TBC1D5: variants seen among roughly 807,000 people sequenced by gnomAD.
TBC1D5 encodes the protein TBC1 domain family member 5, also known as TBC1 domain family, member 5.
A neutral mutation model predicts 100.3 loss-of-function variants in TBC1D5; 75 were observed. That is an observed-to-expected ratio of 0.75 (90% CI 0.62 to 0.91). The LOEUF is 0.91. Ranked by LOEUF, TBC1D5 falls within the 40% of genes least tolerant of loss-of-function variation. TBC1D5 has a pLI of 0.00. For synonymous variants in TBC1D5, 323 were observed against 325.6 expected (o/e 0.99, Z 0.09); for missense variants, 910 against 942.4 (o/e 0.97, Z 0.45).
intron 4 of TBC1D5, among the ~76,000 whole-genome samples, chr3:17,421,190 G>C (rs571606966): frequency 6.6e-6 from 1 of 152,042 alleles, no homozygotes; most frequent in Non-Finnish European, 1.5e-5. Flanking sequence ...ACGTTACTTC[G>C]AGAAGATGTA....
At chr3:17,184,707 A>T (rs1226265409) in intron 19 of TBC1D5, 1 of 152,308 alleles carries the variant, frequency 6.6e-6, no homozygotes, top group Non-Finnish European at 1.5e-5. Context: ...AAAAAAAAAA[A>T]AATTTGTTGT....
intron 16 of TBC1D5, among the ~76,000 whole-genome samples, chr3:17,249,197 G>A (rs1483053897): frequency 6.6e-6 from 1 of 152,174 alleles, no homozygotes; most frequent in African/African-American, 2.4e-5. Flanking sequence ...GTGTCCACTG[G>A]AGTAGCACTT....
intron 1 of TBC1D5, among the ~76,000 whole-genome samples, chr3:17,720,407 T>G (rs1334590449): frequency 6.6e-6 from 1 of 152,178 alleles, no homozygotes; most frequent in African/African-American, 2.4e-5. Flanking sequence ...GCTAATACAT[T>G]CTACTTAGTC....
Position 17,602,021 on chromosome 3 carries a change from T to A in TBC1D5, c.-36+21828A>T, listed in dbSNP as rs560770089. ...ATTTTTTTTGTATTTTTAGTAGAGA[T>A]GGGGTTTCACCGTGTTAACCAGGAT... On this transcript the variant is annotated intron_variant, in intron 2 of 21. Coordinates refer to ENST00000253692, the Ensembl canonical transcript of TBC1D5. 1.4e-3 allele frequency among the ~76,000 whole-genome samples: 209 copies of A among 152,064 alleles called. 1 individual carries two copies. Among genetic ancestry groups the A allele is most frequent in the African/African-American group, 4.7e-3 (194 of 41,482 alleles).
rs367962419 is a variant in TBC1D5 at position 17,455,526 on chromosome 3, A to ATG, written c.98-27008_98-27007insCA. 1.3e-3 allele frequency among the ~76,000 whole-genome samples: 164 copies of ATG among 122,912 alleles called. 2 individuals carry two copies. The Middle Eastern group carries it at 0.014, about 10-fold the overall frequency. 80.6% of individuals were successfully genotyped at this position (122,912 alleles called of 152,430 possible). A position where few individuals can be genotyped will look rare whatever the true frequency, so the allele number is the denominator to read the frequency against. On this transcript the variant is annotated intron_variant, in intron 3 of 21. Coordinates refer to ENST00000253692, the Ensembl canonical transcript of TBC1D5. Reference sequence around the variant, plus strand: ...TATGTGTGTGTGTATATATATATATATATATGTGTGTGTGTGTGTATATAT... The same window carrying ATG: ...TATGTGTGTGTGTATATATATATATATGTATATGTGTGTGTGTGTGTATATAT...
chr3:17,702,896 A>G (rs1034497486), intron 1 of TBC1D5, among the ~76,000 whole-genome samples: 5 of 152,278 alleles, frequency 3.3e-5, no homozygotes, highest in Admixed American at 6.5e-5. Flanking sequence ...TTAAAAGTAT[A>G]AGCCATTCTG....
At chr3:17,311,383 A>G (rs2084015019) in intron 13 of TBC1D5, among the ~76,000 whole-genome samples, 1 of 152,092 alleles carries the variant, frequency 6.6e-6, no homozygotes, top group South Asian at 2.1e-4. Context: ...GCAGAAACAG[A>G]AAAGAGTATC....
intron 13 of TBC1D5, among the ~76,000 whole-genome samples, chr3:17,308,424 A>G (rs1400178148): frequency 1.3e-5 from 2 of 152,146 alleles, no homozygotes; most frequent in African/African-American, 2.4e-5. Flanking sequence ...AAAGGTGAAG[A>G]AAAAATGAAT....
At chr3:17,414,662 C>T (rs1358753215) in intron 4 of TBC1D5, among the ~76,000 whole-genome samples, 1 of 152,178 alleles carries the variant, frequency 6.6e-6, no homozygotes, top group Non-Finnish European at 1.5e-5. Context: ...GTGCCAAGAT[C>T]AACCAGATAA....
At chr3:17,273,478 G>C (rs950495424) in intron 15 of TBC1D5, among the ~76,000 whole-genome samples, 1 of 152,022 alleles carries the variant, frequency 6.6e-6, no homozygotes. Flanking sequence ...ATTTCTACCT[G>C]GATATCCCAT....
At chr3:17,394,161 C>T (rs1331095465) in intron 8 of TBC1D5, among the ~76,000 whole-genome samples, 1 of 152,110 alleles carries the variant, frequency 6.6e-6, no homozygotes, top group Non-Finnish European at 1.5e-5. Context: ...CACTGCATTA[C>T]AATATATAAA....
intron 2 of TBC1D5, among the ~76,000 whole-genome samples, chr3:17,605,713 A>T (rs2061295178): frequency 6.6e-6 from 1 of 152,216 alleles, no homozygotes; most frequent in Non-Finnish European, 1.5e-5. Context: ...GCATACCAGT[A>T]AATATTAACA....
intron 13 of TBC1D5, among the ~76,000 whole-genome samples, chr3:17,310,129 A>G (rs2083854269): frequency 6.6e-6 from 1 of 152,108 alleles, no homozygotes; most frequent in African/African-American, 2.4e-5. Context: ...AATAATTTCT[A>G]TACCCATTAT....
At chr3:17,463,943 C>CTTTTTTTT (rs1025162858) in intron 3 of TBC1D5, among the ~76,000 whole-genome samples, 36 of 87,502 alleles carry the variant, frequency 4.1e-4, no homozygotes, top group African/African-American at 5.6e-4. Flanking sequence ...TTCCTTATTC[C>CTTTTTTTT]TTTTTTTTTT....
chr3:17,308,681 C>A (rs533162694), intron 13 of TBC1D5, among the ~76,000 whole-genome samples: 1 of 152,210 alleles, frequency 6.6e-6, no homozygotes, highest in Non-Finnish European at 1.5e-5. Flanking sequence ...CAAGCATAGA[C>A]AGTTATTTTA....
At chr3:17,349,074 G>A (rs967212554) in intron 13 of TBC1D5, among the ~76,000 whole-genome samples, 2 of 152,118 alleles carry the variant, frequency 1.3e-5, no homozygotes, top group Non-Finnish European at 2.9e-5. Flanking sequence ...GAGATTAATG[G>A]CATCTGATGG....
At chr3:17,583,929 A>G (rs2096716659) in intron 2 of TBC1D5, among the ~76,000 whole-genome samples, 2 of 152,244 alleles carry the variant, frequency 1.3e-5, no homozygotes, top group African/African-American at 4.8e-5. Context: ...CACTATTCAG[A>G]GTAACCAAAA....
chr3:17,648,646 A>C (rs1054504842), intron 1 of TBC1D5, among the ~76,000 whole-genome samples: 49 of 152,002 alleles, frequency 3.2e-4, no homozygotes, highest in Non-Finnish European at 5.9e-5. Context: ...GAAACAAACA[A>C]CACCACTGAA....
chr3:17,478,221 G>A (rs1445110088), intron 3 of TBC1D5, among the ~76,000 whole-genome samples: 1 of 151,978 alleles, frequency 6.6e-6, no homozygotes, highest in Non-Finnish European at 1.5e-5. Context: ...ATTATTTTGT[G>A]TCTTTCGGTA....
Sources: allele counts gnomAD v4.1 joint callset (sites outside exome capture counted in the v4.1 genomes callset), GRCh38; gene constraint gnomAD v4.1.1; transcripts MANE v1.5; gene names NCBI Gene and HGNC (gene_info 2026-07-23, HGNC 2026-07-21).